RGSL1: variants seen among roughly 807,000 people sequenced by gnomAD.
The protein encoded by RGSL1 is regulator of G protein signaling protein-like.
A neutral mutation model predicts 124.7 loss-of-function variants in RGSL1; 97 were observed. That is an observed-to-expected ratio of 0.78 (90% CI 0.66 to 0.92). RGSL1 has a LOEUF of 0.92. Among genes scored for constraint, RGSL1 ranks in the 40% least tolerant of loss-of-function variants. RGSL1 has a pLI of 0.00. For synonymous variants in RGSL1, 424 were observed against 438.1 expected (o/e 0.97, Z 0.40); for missense variants, 1,233 against 1,288.4 (o/e 0.96, Z 0.66).
chr1:182,548,228 TGGGCCAGAAA>T lies in RGSL1; in HGVS notation c.2670-88_2670-79del. 2.1e-6 allele frequency: 3 copies of T among 1,438,912 alleles called. No homozygotes were observed. The Admixed American group carries it at 6.3e-5, about 30-fold the overall frequency. The allele number at this position is 1,438,912 out of a possible 1,614,324, so 89.1% of individuals were successfully genotyped here. A position where few individuals can be genotyped will look rare whatever the true frequency, so the allele number is the denominator to read the frequency against. On this transcript the variant is annotated intron_variant, in intron 15 of 21. Coordinates refer to ENST00000294854, the MANE Select transcript of RGSL1 (RefSeq NM_001137669.2). Reference sequence around the variant, plus strand: ...GGCCTAGAACTGGCCTTGCGTTTTTTGGGCCAGAAATGAGTCTAGGCTGGGTGCCTTGTTA... The same window carrying T: ...GGCCTAGAACTGGCCTTGCGTTTTTTTGAGTCTAGGCTGGGTGCCTTGTTA...
intron 6 of RGSL1, among the ~76,000 whole-genome samples, chr1:182,487,312 T>C (rs56198453): frequency 0.029 from 4,440 of 152,280 alleles, 233 homozygotes; most frequent in African/African-American, 0.1. Flanking sequence ...ATCCCCAGAT[T>C]ACTCAGCAAG....
intron 9 of RGSL1, among the ~76,000 whole-genome samples, chr1:182,503,416 T>C (rs1656550084): frequency 6.6e-6 from 1 of 152,180 alleles, no homozygotes; most frequent in Admixed American, 6.5e-5. Flanking sequence ...GATTCAATCA[T>C]GTGCAACAAC....
chr1:182,471,572 C>T (rs922468500), intron 4 of RGSL1, among the ~76,000 whole-genome samples: 1 of 152,064 alleles, frequency 6.6e-6, no homozygotes, highest in African/African-American at 2.4e-5. Context: ...GTCAGAGTCC[C>T]TTTTACTCGT....
At chr1:182,554,965 C>G (rs947642555) in intron 20 of RGSL1, 3 of 437,872 alleles carry the variant, frequency 6.9e-6, no homozygotes, top group African/African-American at 2.0e-5. Context: ...GTGGAAGTGT[C>G]CCAGATGATC....
intron 9 of RGSL1, among the ~76,000 whole-genome samples, chr1:182,515,564 G>A: frequency 7.2e-6 from 1 of 138,384 alleles, no homozygotes; most frequent in Non-Finnish European, 1.6e-5. Context: ...GGGGGGGGCG[G>A]GGTGGAGGGC....
intron 10 of RGSL1, among the ~76,000 whole-genome samples, chr1:182,526,200 A>T (rs1220356980): frequency 3.3e-5 from 5 of 152,338 alleles, no homozygotes; most frequent in African/African-American, 1.2e-4. Flanking sequence ...TCTTTGAGGA[A>T]ACAGTGAAAG....
chr1:182,534,340 CA>C (rs1659393716), intron 14 of RGSL1, among the ~76,000 whole-genome samples: 1 of 152,106 alleles, frequency 6.6e-6, no homozygotes, highest in African/African-American at 2.4e-5. Context: ...AATAATGTGC[CA>C]GATAGTCTAT....
Position 182,527,741 on chromosome 1 carries a change from C to T in RGSL1, c.2094C>T (p.Ile698=). ...KICKSLIENV[I]KTFFQGQLSP... ...GCAAGTCTCTCATAGAAAATGTAAT[C>T]AAGACTTTCTTCCAAGGCCAACTCT... The change falls in exon 11 of 22, where the codon ATC becomes ATT. Residue 698 remains isoleucine, a synonymous_variant. Coordinates refer to ENST00000294854, the MANE Select transcript of RGSL1 (RefSeq NM_001137669.2). 13 of 1,550,796 alleles carry T rather than the reference C, an allele frequency of 8.4e-6. 1 individual carries two copies. The highest frequency in any genetic ancestry group is 1.1e-5 in the Non-Finnish European group (13 of 1,146,536).
intron 18 of RGSL1, 135 bp from the exon 19 acceptor site, chr1:182,553,320 A>C (rs1660677157): frequency 1.5e-6 from 1 of 675,458 alleles, no homozygotes; most frequent in African/African-American, 1.8e-5. Flanking sequence ...AAAGATTTAG[A>C]TTTAGATAAT....
chr1:182,455,230 C>G (rs769422961), intron 2 of RGSL1, among the ~76,000 whole-genome samples: 2 of 152,054 alleles, frequency 1.3e-5, no homozygotes, highest in Non-Finnish European at 2.9e-5. Flanking sequence ...TATTAAAAGA[C>G]AAGGAGGTAC....
chr1:182,509,216 G>T (rs1292000603), intron 9 of RGSL1, among the ~76,000 whole-genome samples: 1 of 67,140 alleles, frequency 1.5e-5, no homozygotes, highest in African/African-American at 5.3e-5. Context: ...CCTCCCAGAC[G>T]GGGTGGTGGC....
At chr1:182,471,834 T>G (rs1375790866) in intron 4 of RGSL1, among the ~76,000 whole-genome samples, 1 of 152,158 alleles carries the variant, frequency 6.6e-6, no homozygotes, top group Non-Finnish European at 1.5e-5. Flanking sequence ...TGGCTGACAC[T>G]CCAGCTCAAC....
At chr1:182,530,710 T>G in intron 12 of RGSL1, 80 bp from the exon 13 acceptor site, 14 of 1,407,850 alleles carry the variant, frequency 9.9e-6, no homozygotes, top group African/African-American at 1.5e-5. Flanking sequence ...CTCCAGAAGC[T>G]GAGGTAGGTT....
rs112168593 is a variant in RGSL1 at position 182,527,656 on chromosome 1, T to G, written c.2009T>G (p.Ile670Ser). 1.9e-3 allele frequency: 2,962 copies of G among 1,551,620 alleles called. 38 individuals carry two copies. The African/African-American group carries it at 0.024, about 12-fold the overall frequency. The change falls in exon 11 of 22, where the codon ATC becomes AGC. Residue 670 changes from isoleucine to serine, a missense_variant. Transcript: ENST00000294854. Reference protein sequence around the residue: ...REFLKERKAKIPLQFLTAVQK... With the variant: ...REFLKERKAKSPLQFLTAVQK... ...TTCCTCAAGGAACGGAAGGCTAAAA[T>G]CCCATTGCAATTTCTCACAGCTGTA...
chr1:182,544,467 G>A (rs1417920498), intron 15 of RGSL1, among the ~76,000 whole-genome samples: 2 of 152,064 alleles, frequency 1.3e-5, no homozygotes, highest in East Asian at 3.8e-4. Flanking sequence ...ATATTCTGTA[G>A]CAGTTGGGTG....
intron 3 of RGSL1, 48 bp from the exon 4 acceptor site, chr1:182,459,956 A>C: frequency 6.5e-7 from 1 of 1,532,216 alleles, no homozygotes; most frequent in Non-Finnish European, 8.8e-7. Flanking sequence ...TTTTTTTAGC[A>C]GTTCGGTTTC....
intron 9 of RGSL1, among the ~76,000 whole-genome samples, chr1:182,500,200 G>C (rs1417011640): frequency 6.6e-6 from 1 of 152,184 alleles, no homozygotes; most frequent in South Asian, 2.1e-4. Context: ...GTGGTGTGAG[G>C]AAAGAGTTTA....
intron 6 of RGSL1, among the ~76,000 whole-genome samples, chr1:182,482,604 A>G (rs1654795016): frequency 6.6e-6 from 1 of 152,244 alleles, no homozygotes; most frequent in African/African-American, 2.4e-5. Context: ...TTGTGATTCT[A>G]TACACTGACA....
chr1:182,521,978 C>A lies in RGSL1; in HGVS notation c.1826-26C>A, dbSNP rs1194681662. On this transcript the variant is annotated intron_variant, in intron 9 of 21. Coordinates refer to ENST00000294854, the MANE Select transcript of RGSL1 (RefSeq NM_001137669.2). ...TTTTCATTGCTTATAATATAGTGTT[C>A]TCCAACTTAGTGATTTTTTTTTTAG... is the stretch of plus-strand genomic sequence containing the variant. 3 of 1,425,446 alleles carry A rather than the reference C, an allele frequency of 2.1e-6. No homozygotes were observed. The South Asian group carries it at 3.8e-5, about 18-fold the overall frequency. 88.3% of individuals were successfully genotyped at this position (1,425,446 alleles called of 1,614,324 possible). A position where few individuals can be genotyped will look rare whatever the true frequency, so the allele number is the denominator to read the frequency against.
Sources: allele counts gnomAD v4.1 joint callset (sites outside exome capture counted in the v4.1 genomes callset), GRCh38; gene constraint gnomAD v4.1.1; transcripts MANE v1.5; gene names NCBI Gene and HGNC (gene_info 2026-07-23, HGNC 2026-07-21).